SGMS1: variants seen among roughly 807,000 people sequenced by gnomAD.
SGMS1 encodes the protein phosphatidylcholine:ceramide cholinephosphotransferase 1.
SGMS1 carries 13 observed loss-of-function variants against 46.2 expected under a neutral mutation model. The ratio of observed to expected loss-of-function variants is 0.28; its 90% CI spans 0.18 to 0.45. The LOEUF (loss-of-function observed/expected upper bound fraction) is 0.45, where lower values mean the gene tolerates loss of function less well. Among genes scored for constraint, SGMS1 ranks in the 20% least tolerant of loss-of-function variants. The pLI is 1.00. For synonymous variants in SGMS1, 203 were observed against 187.8 expected (o/e 1.08, Z -0.66); for missense variants, 324 against 519.9 (o/e 0.62, Z 3.66).
intron 6 of SGMS1, among the ~76,000 whole-genome samples, chr10:50,383,371 C>T (rs573602427): frequency 3.9e-5 from 6 of 152,146 alleles, no homozygotes; most frequent in South Asian, 2.1e-4. Flanking sequence ...TTCTTTTAAA[C>T]GTGTATTCTT....
intron 3 of SGMS1, among the ~76,000 whole-genome samples, chr10:50,495,378 T>C (rs1352438022): frequency 6.6e-6 from 1 of 151,858 alleles, no homozygotes; most frequent in Non-Finnish European, 1.5e-5. Context: ...TAGGAGAAAA[T>C]GTTTAAATAG....
At chr10:50,474,386 T>C (rs77931505) in intron 3 of SGMS1, 5 of 152,194 alleles carry the variant, frequency 3.3e-5, no homozygotes, top group Non-Finnish European at 7.3e-5. Flanking sequence ...TCTTCACCTA[T>C]AAGGTGAGGT....
intron 1 of SGMS1, among the ~76,000 whole-genome samples, chr10:50,609,788 T>C (rs1042157285): frequency 6.6e-6 from 1 of 152,150 alleles, no homozygotes; most frequent in African/African-American, 2.4e-5. Context: ...AAAGAGTGTG[T>C]GAGCATCTAC....
chr10:50,326,211 G>C (rs766466700), intron 8 of SGMS1, among the ~76,000 whole-genome samples: 3 of 151,990 alleles, frequency 2.0e-5, no homozygotes, highest in Admixed American at 1.3e-4. Context: ...TAAGAAATGA[G>C]CTATCTCTGT....
chr10:50,308,197 A>G, intron 9 of SGMS1, 49 bp from the exon 10 acceptor site: 2 of 1,551,980 alleles, frequency 1.3e-6, no homozygotes, highest in Non-Finnish European at 1.8e-6. Flanking sequence ...AATGACATTA[A>G]GGGCACCCAA....
intron 2 of SGMS1, among the ~76,000 whole-genome samples, chr10:50,570,713 T>C (rs1838329696): frequency 6.6e-6 from 1 of 152,184 alleles, no homozygotes; most frequent in African/African-American, 2.4e-5. Context: ...GGCAGGAGAA[T>C]TGCTTAAGCC....
chr10:50,525,226 G>A (rs943201980), intron 2 of SGMS1, among the ~76,000 whole-genome samples: 1 of 152,096 alleles, frequency 6.6e-6, no homozygotes, highest in African/African-American at 2.4e-5. Flanking sequence ...TTACATGTTG[G>A]CTCCTACACA....
chr10:50,624,904 T>G (rs2131956687), upstream of SGMS1: 1 of 1,004,276 alleles, frequency 1.0e-6, no homozygotes, highest in Non-Finnish European at 1.2e-6. Flanking sequence ...GGGGCGCGGC[T>G]ACGGGCCCGG....
At chr10:50,555,563 A>G (rs139778051) in intron 2 of SGMS1, among the ~76,000 whole-genome samples, 5 of 152,352 alleles carry the variant, frequency 3.3e-5, no homozygotes, top group African/African-American at 1.2e-4. Context: ...TTATACAAGG[A>G]AACATTTATT....
At chr10:50,350,243 G>C (rs1464295845) in intron 6 of SGMS1, among the ~76,000 whole-genome samples, 1 of 152,154 alleles carries the variant, frequency 6.6e-6, no homozygotes, top group Non-Finnish European at 1.5e-5. Flanking sequence ...AGACGTTTTA[G>C]GGTACCTGGC....
At chr10:50,337,130 G>C (rs1392203900) in intron 7 of SGMS1, among the ~76,000 whole-genome samples, 1 of 152,126 alleles carries the variant, frequency 6.6e-6, no homozygotes, top group African/African-American at 2.4e-5. Flanking sequence ...AGTAATATGA[G>C]GGAATTTTGT....
At chr10:50,580,696 T>G (rs1162212282) in intron 2 of SGMS1, among the ~76,000 whole-genome samples, 1 of 152,090 alleles carries the variant, frequency 6.6e-6, no homozygotes, top group Admixed American at 6.5e-5. Context: ...CTAGACAAAG[T>G]ATGCGAAGTA....
chr10:50,404,688 A>C (rs1848989175), intron 6 of SGMS1, among the ~76,000 whole-genome samples: 2 of 152,216 alleles, frequency 1.3e-5, no homozygotes, highest in African/African-American at 4.8e-5. Context: ...CTGATGTAGC[A>C]ATCCCACTCA....
At chr10:50,387,345 C>T (rs971303387) in intron 6 of SGMS1, among the ~76,000 whole-genome samples, 4 of 152,164 alleles carry the variant, frequency 2.6e-5, no homozygotes, top group African/African-American at 7.2e-5. Context: ...ACACATACAC[C>T]CACTTCCTCC....
rs960498123 is a variant in SGMS1, at chr10:50,388,484, A to AG, written c.-231-44140_-231-44139insC. On this transcript the variant is annotated intron_variant, in intron 6 of 10. Coordinates refer to ENST00000361781, the MANE Select transcript of SGMS1 (RefSeq NM_147156.4). ...CCCTGTCTCTACTAAAAAAAAAAAA[A>AG]AAAAAAAAAAATTTGCCAGGCATGA... is the stretch of plus-strand genomic sequence containing the variant. Among the ~76,000 whole-genome samples the AG allele has an allele frequency of 7.9e-5, 12 of 151,684 alleles. No individual in the cohort carries two copies. The South Asian group carries it at 1.7e-3, about 21-fold the overall frequency.
intron 3 of SGMS1, among the ~76,000 whole-genome samples, chr10:50,502,872 C>CA (rs1029263207): frequency 3.3e-5 from 5 of 151,706 alleles, no homozygotes; most frequent in African/African-American, 1.2e-4. Flanking sequence ...ACGTATCACC[C>CA]AAAAAAAATT....
Position 50,344,088 on chromosome 10 carries a change from G to T in SGMS1, c.27C>A (p.Pro9=). MKEVVYWS[P]KKVADWLLEN... ...CCAGCAGCCAGTCTGCCACCTTCTT[G>T]GGTGACCAATAAACCACTTCCTTCA... Residue 9 remains proline (P), a synonymous_variant, in exon 7 of 11, where the codon CCC becomes CCA. Coordinates refer to ENST00000361781, the MANE Select transcript of SGMS1 (RefSeq NM_147156.4). The T allele has an allele frequency of 6.2e-7, 1 of 1,612,386 alleles. No individual in the cohort carries two copies. Among genetic ancestry groups the T allele is most frequent in the Non-Finnish European group, 8.5e-7 (1 of 1,179,232 alleles).
chr10:50,582,765 A>G (rs55841709), intron 2 of SGMS1, among the ~76,000 whole-genome samples: 20,857 of 152,276 alleles, frequency 0.14, 1,723 homozygotes, highest in Non-Finnish European at 0.19. Flanking sequence ...CTTGTACCAC[A>G]CAGGTACTTT....
At chr10:50,416,837 T>A (rs936074358) in intron 6 of SGMS1, among the ~76,000 whole-genome samples, 669 of 116,970 alleles carry the variant, frequency 5.7e-3, no homozygotes, top group Non-Finnish European at 6.2e-3. Flanking sequence ...TTTATAGAAC[T>A]AAAAAAAAAA....
Sources: gnomAD v4.1 joint callset for allele counts (sites outside exome capture counted in the v4.1 genomes callset) on GRCh38, gnomAD v4.1.1 for gene constraint, MANE v1.5 for transcripts, NCBI Gene and HGNC (gene_info 2026-07-23, HGNC 2026-07-21) for gene names.